Variants in PCDHGA6 observed in about 807,000 individuals in gnomAD.
PCDHGA6 encodes the protein protocadherin gamma subfamily A, 6.
A neutral mutation model predicts 60.6 loss-of-function variants in PCDHGA6; 41 were observed. That is an observed-to-expected ratio of 0.68 (90% CI 0.53 to 0.88). The LOEUF is 0.88. Ranked by LOEUF, PCDHGA6 falls within the 40% of genes least tolerant of loss-of-function variation. The probability of loss-of-function intolerance (pLI) is 0.00; values close to 1 mark genes in which losing one functional copy is unlikely to be tolerated. For missense variants in PCDHGA6, 1,312 were observed against 1,203.0 expected, an observed-to-expected ratio of 1.09 and a Z score of -1.34; for synonymous variants, 594 against 524.4, an observed-to-expected ratio of 1.13 and a Z score of -1.81.
intron 1 of PCDHGA6, among the ~76,000 whole-genome samples, chr5:141,457,274 C>T (rs1307741345): frequency 1.3e-5 from 2 of 152,200 alleles, no homozygotes; most frequent in Non-Finnish European, 2.9e-5. Context: ...CCTCTGTGGG[C>T]CTACGAAGTT....
At chr5:141,400,883 A>G (rs1017003447) in intron 1 of PCDHGA6, among the ~76,000 whole-genome samples, 1 of 152,232 alleles carries the variant, frequency 6.6e-6, no homozygotes, top group Non-Finnish European at 1.5e-5. Flanking sequence ...AATTTAATGT[A>G]TGTAATCATT....
rs1289333371 is a variant in PCDHGA6, at chr5:141,460,404, G to C, written c.2425-34403G>C. Among the ~76,000 whole-genome samples, 21 of 152,038 alleles carry C rather than the reference G, an allele frequency of 1.4e-4. 1 individual carries two copies. The highest frequency in any genetic ancestry group is 1.4e-3 in the Admixed American group (21 of 15,256). Reference sequence around the variant, plus strand: ...TATAATTTGGTCTATGAATCCTTTTGAGTTGATGTTTATGTATGGTGTATG... The same window carrying C: ...TATAATTTGGTCTATGAATCCTTTTCAGTTGATGTTTATGTATGGTGTATG... On this transcript the variant is annotated intron_variant, in intron 1 of 3. Transcript: ENST00000517434.
intron 1 of PCDHGA6, chr5:141,400,348 C>T (rs745917638): frequency 1.9e-6 from 3 of 1,614,050 alleles, no homozygotes; most frequent in South Asian, 1.1e-5. Context: ...CAACTACAGT[C>T]AGGGGACTTT....
At chr5:141,436,318 CTG>C (rs1309397202) in intron 1 of PCDHGA6, among the ~76,000 whole-genome samples, 1 of 152,154 alleles carries the variant, frequency 6.6e-6, no homozygotes, top group Non-Finnish European at 1.5e-5. Flanking sequence ...ATAGTCAAGA[CTG>C]TTAGACCATA....
At chr5:141,388,639 C>T (rs2091432130) in intron 1 of PCDHGA6, 1 of 1,613,944 alleles carries the variant, frequency 6.2e-7, no homozygotes, top group Non-Finnish European at 8.5e-7. Context: ...GTGAGCCTTT[C>T]AGAAAACGTG....
chr5:141,438,629 T>C (rs1162332421), intron 1 of PCDHGA6, among the ~76,000 whole-genome samples: 9 of 48,096 alleles, frequency 1.9e-4, no homozygotes, highest in Admixed American at 6.4e-4. Context: ...TATATATATA[T>C]ATATATACAC....
At chr5:141,380,936 C>G (rs905887369) in intron 1 of PCDHGA6, among the ~76,000 whole-genome samples, 1 of 152,194 alleles carries the variant, frequency 6.6e-6, no homozygotes, top group African/African-American at 2.4e-5. Flanking sequence ...ATACACTTTG[C>G]TTGCCTCAAC....
At chr5:141,436,676 G>T (rs1019010328) in intron 1 of PCDHGA6, among the ~76,000 whole-genome samples, 1 of 152,238 alleles carries the variant, frequency 6.6e-6, no homozygotes, top group African/African-American at 2.4e-5. Flanking sequence ...ACCAAAAAAA[G>T]GATTTATATT....
In PCDHGA6 at chr5:141,490,291, C is replaced by T; in HGVS notation, c.2425-4516C>T. 6.2e-7 allele frequency: 1 copy of T among 1,614,212 alleles called. No homozygotes were observed. Among genetic ancestry groups the T allele is most frequent in the Non-Finnish European group, 8.5e-7 (1 of 1,180,048 alleles). On this transcript the variant is annotated intron_variant, in intron 1 of 3. Transcript: ENST00000517434. The surrounding 1 kb of genome is among the most constrained non-coding windows in gnomAD (Gnocchi z 5.4). ...TGTCAATGACAATGCCCCAGAGGTG[C>T]TATTGGCCTCTTTGGCCAACCCTGT...
At chr5:141,430,021 T>C (rs2097257368) in intron 1 of PCDHGA6, among the ~76,000 whole-genome samples, 1 of 152,226 alleles carries the variant, frequency 6.6e-6, no homozygotes, top group Admixed American at 6.5e-5. Context: ...TGGGTTCTTG[T>C]TAAGTGTGAT....
intron 1 of PCDHGA6, chr5:141,423,616 G>A: frequency 6.2e-7 from 1 of 1,609,594 alleles, no homozygotes; most frequent in Admixed American, 1.7e-5. Context: ...GATAGCTGAA[G>A]ACTCAGCTAT....
At chr5:141,420,223 G>A in intron 1 of PCDHGA6, 2 of 1,604,640 alleles carry the variant, frequency 1.2e-6, no homozygotes, top group Non-Finnish European at 1.7e-6. Context: ...GCATGCTACT[G>A]GCTAGCATTT....
intron 1 of PCDHGA6, among the ~76,000 whole-genome samples, chr5:141,471,978 A>C (rs1246474598): frequency 1.3e-5 from 2 of 152,184 alleles, no homozygotes; most frequent in African/African-American, 4.8e-5. Flanking sequence ...TTACTGTATA[A>C]ATTTATTAAA....
intron 2 of PCDHGA6, among the ~76,000 whole-genome samples, chr5:141,496,078 CCCCACCCACCA>C (rs1204698458): frequency 6.6e-6 from 1 of 152,016 alleles, no homozygotes; most frequent in Non-Finnish European, 1.5e-5. Context: ...ACACACAACC[CCCCACCCACCA>C]CCCACCAACA....
Position 141,485,844 on chromosome 5 carries a change from G to T in PCDHGA6, c.2425-8963G>T. On this transcript the variant is annotated intron_variant, in intron 1 of 3. Transcript: ENST00000517434. This position sits in a 1 kb window ranked among gnomAD's most constrained non-coding sequence, Gnocchi z 5.7. ...GATGGAGGGAACCCGCCGAGATCTG[G>T]CACCGCAGAGCTCCGGGTATCCGTG... The T allele has an allele frequency of 1.9e-6, 3 of 1,613,890 alleles. 1 individual carries two copies. The South Asian group carries it at 3.3e-5, about 18-fold the overall frequency.
In PCDHGA6 at chr5:141,476,336, C is replaced by A; in HGVS notation, c.2425-18471C>A. 18 of 1,614,008 alleles carry A rather than the reference C, an allele frequency of 1.1e-5. No homozygotes were observed. Among genetic ancestry groups the A allele is most frequent in the Non-Finnish European group, 1.5e-5 (18 of 1,180,008 alleles). ...GTTCCGGGTGGTGTCTGGAGCTAGC[C>A]GAAGATTCTTTGAGGTGAACCGGGA... On this transcript the variant is annotated intron_variant, in intron 1 of 3. Coordinates refer to ENST00000517434, the MANE Select transcript of PCDHGA6 (RefSeq NM_018919.3). The surrounding 1 kb of genome is among the most constrained non-coding windows in gnomAD (Gnocchi z 7.6).
chr5:141,424,504 G>A (rs1357608806), intron 1 of PCDHGA6: 2 of 152,134 alleles, frequency 1.3e-5, no homozygotes, highest in East Asian at 1.9e-4. Flanking sequence ...TGTATGGAAG[G>A]TTTTTTAATG....
intron 1 of PCDHGA6, chr5:141,377,681 T>C (rs1458996309): frequency 6.6e-6 from 1 of 152,182 alleles, no homozygotes; most frequent in Non-Finnish European, 1.5e-5. Flanking sequence ...ACAAGAGATC[T>C]TTCACCTTTA....
chr5:141,398,985 A>T, intron 1 of PCDHGA6: 1 of 1,613,964 alleles, frequency 6.2e-7, no homozygotes, highest in Non-Finnish European at 8.5e-7. Flanking sequence ...GAACCGGGCA[A>T]ATCTTTAGTC....
Sources: gnomAD v4.1 joint callset for allele counts (sites outside exome capture counted in the v4.1 genomes callset) on GRCh38, gnomAD v4.1.1 for gene constraint, Gnocchi (gnomAD v3.1) non-coding constraint, MANE v1.5 for transcripts, NCBI Gene and HGNC (gene_info 2026-07-23, HGNC 2026-07-21) for gene names.